SNX25: variants seen among roughly 807,000 people sequenced by gnomAD.
SNX25 encodes sorting nexin 25, also known as sorting nexin-25.
Under a neutral mutation model 113.7 loss-of-function variants are expected in SNX25, and 62 were observed. The ratio of observed to expected loss-of-function variants is 0.55; its 90% CI spans 0.44 to 0.67. The LOEUF is 0.67. SNX25 is among the 30% of genes least tolerant of loss of function. SNX25 has a pLI of 0.00. For missense variants in SNX25, 1,014 were observed against 1,161.0 expected (o/e 0.87, Z 1.84); for synonymous variants, 421 against 436.2 (o/e 0.97, Z 0.43).
intron 14 of SNX25, among the ~76,000 whole-genome samples, chr4:185,352,151 G>T (rs1183930396): frequency 6.6e-6 from 1 of 152,226 alleles, no homozygotes; most frequent in East Asian, 1.9e-4. Context: ...ATAAGGGAAA[G>T]TATAGAGCCT....
At chr4:185,291,850 G>A (rs1361333226) in intron 6 of SNX25, among the ~76,000 whole-genome samples, 2 of 152,158 alleles carry the variant, frequency 1.3e-5, no homozygotes, top group Non-Finnish European at 2.9e-5. Context: ...CCCCATTTCC[G>A]AATAAGATCG....
intron 16 of SNX25, among the ~76,000 whole-genome samples, chr4:185,361,134 T>C (rs984270379): frequency 1.3e-5 from 2 of 152,154 alleles, no homozygotes; most frequent in Non-Finnish European, 2.9e-5. Context: ...CATGGGCATA[T>C]GAAGTGCTTC....
intron 5 of SNX25, 143 bp from the exon 6 acceptor site, chr4:185,287,869 A>G: frequency 1.5e-6 from 1 of 669,008 alleles, no homozygotes; most frequent in East Asian, 3.0e-5. Flanking sequence ...TGCTCGGTCT[A>G]TGTCGGATTA....
intron 1 of SNX25, among the ~76,000 whole-genome samples, chr4:185,242,184 C>T (rs565017974): frequency 6.6e-6 from 1 of 152,276 alleles, no homozygotes; most frequent in South Asian, 2.1e-4. Flanking sequence ...AAAACTTTTT[C>T]CTCTACTTTC....
chr4:185,239,277 A>T (rs1386278060), intron 1 of SNX25, among the ~76,000 whole-genome samples: 106 of 149,306 alleles, frequency 7.1e-4, no homozygotes, highest in African/African-American at 2.4e-3. Context: ...AGGTCAGGAG[A>T]TCGAGACCAT....
intron 13 of SNX25, among the ~76,000 whole-genome samples, chr4:185,350,491 G>A (rs1489854566): frequency 2.0e-5 from 3 of 152,170 alleles, no homozygotes; most frequent in Non-Finnish European, 2.9e-5. Context: ...CTCGATTTAT[G>A]TTCTTCTTTA....
Position 185,263,976 on chromosome 4 carries a change from G to A in SNX25, c.732-462G>A, listed in dbSNP as rs138971688. On this transcript the variant is annotated intron_variant, in intron 3 of 18. Coordinates refer to ENST00000652585, the MANE Select transcript of SNX25 (RefSeq NM_001378034.2). ...TTGCCATCAAATTAGATAACGTCGA[G>A]TTTATAGACCCTCTAGCTCACTAGA... is the stretch of plus-strand genomic sequence containing the variant. 7.7e-4 allele frequency among the ~76,000 whole-genome samples: 117 copies of A among 152,308 alleles called. 1 individual carries two copies. Among genetic ancestry groups the A allele is most frequent in the Admixed American group, 3.7e-3 (56 of 15,304 alleles).
chr4:185,238,170 C>A (rs1742956460), intron 1 of SNX25, among the ~76,000 whole-genome samples: 1 of 151,600 alleles, frequency 6.6e-6, no homozygotes, highest in African/African-American at 2.4e-5. Flanking sequence ...TTTTTTAGAT[C>A]CCTGATATTA....
chr4:185,230,047 C>G (rs1741598415), intron 1 of SNX25, among the ~76,000 whole-genome samples: 1 of 151,802 alleles, frequency 6.6e-6, no homozygotes, highest in African/African-American at 2.4e-5. Context: ...CCAGGCTGGG[C>G]TTTGAATTCC....
At chr4:185,376,308 C>T in the SNX25 span, among the ~76,000 whole-genome samples, 18 of 152,128 alleles carry the variant, frequency 1.2e-4, no homozygotes, top group African/African-American at 4.1e-4. Context: ...GAGGGAGTCT[C>T]GCTCTGTGGC....
intron 6 of SNX25, among the ~76,000 whole-genome samples, chr4:185,308,934 T>C (rs1266555621): frequency 6.6e-6 from 1 of 152,208 alleles, no homozygotes; most frequent in Non-Finnish European, 1.5e-5. Context: ...TGGTTGTCTT[T>C]TACTGTGTAA....
intron 13 of SNX25, among the ~76,000 whole-genome samples, chr4:185,350,805 T>C (rs1213456084): frequency 5.3e-5 from 8 of 152,262 alleles, no homozygotes; most frequent in African/African-American, 1.9e-4. Context: ...GAAGTTGCGG[T>C]GAGCCAAGAT....
At chr4:185,342,196 A>C in intron 12 of SNX25, 80 bp downstream of exon 12, 1 of 1,398,386 alleles carries the variant, frequency 7.2e-7, no homozygotes, top group Non-Finnish European at 9.4e-7. Context: ...AAAGCTGATT[A>C]ATCTTCTTCC....
chr4:185,346,738 T>C (rs2095288901), intron 13 of SNX25, 88 bp downstream of exon 13: 1 of 869,388 alleles, frequency 1.2e-6, no homozygotes, highest in South Asian at 1.9e-5. Context: ...GGTAGTTTGC[T>C]TTTTGTTCTC....
intron 2 of SNX25, among the ~76,000 whole-genome samples, chr4:185,255,537 C>A (rs892072271): frequency 6.6e-6 from 1 of 152,086 alleles, no homozygotes; most frequent in East Asian, 1.9e-4. Context: ...TGGCCTCACT[C>A]GTTGGTTCTG....
intron 3 of SNX25, among the ~76,000 whole-genome samples, chr4:185,260,522 C>T (rs1341953478): frequency 1.3e-5 from 2 of 151,988 alleles, no homozygotes; most frequent in African/African-American, 2.4e-5. Flanking sequence ...CTTTTTTTTC[C>T]TCAGGAGAGC....
chr4:185,239,376 G>A (rs553925957), intron 1 of SNX25, among the ~76,000 whole-genome samples: 114 of 152,144 alleles, frequency 7.5e-4, no homozygotes, highest in African/African-American at 2.4e-3. Context: ...CCAGCTACTC[G>A]GGAGGCTGAG....
chr4:185,357,882 G>C (rs1285356725), intron 16 of SNX25, 145 bp downstream of exon 16: 3 of 676,690 alleles, frequency 4.4e-6, no homozygotes, highest in Non-Finnish European at 5.0e-6. Flanking sequence ...TTCTAAGATT[G>C]GATAGGAGAG....
intron 5 of SNX25, among the ~76,000 whole-genome samples, chr4:185,284,058 A>G (rs918886329): frequency 6.6e-6 from 1 of 152,228 alleles, no homozygotes; most frequent in East Asian, 1.9e-4. Flanking sequence ...TAGCTCATTA[A>G]TATCTATTGA....
Sources: allele counts gnomAD v4.1 joint callset (sites outside exome capture counted in the v4.1 genomes callset), GRCh38; gene constraint gnomAD v4.1.1; transcripts MANE v1.5; gene names NCBI Gene and HGNC (gene_info 2026-07-23, HGNC 2026-07-21).